Variants in RBFOX1 observed in about 807,000 individuals in gnomAD.
The protein encoded by RBFOX1 is RNA binding fox-1 homolog 1.
Under a neutral mutation model 57.7 loss-of-function variants are expected in RBFOX1, and 8 were observed. The observed-to-expected ratio is 0.14, with a 90% CI of 0.08 to 0.25. The LOEUF (loss-of-function observed/expected upper bound fraction) is 0.25, where lower values mean the gene tolerates loss of function less well. RBFOX1 is among the 10% of genes least tolerant of loss of function. RBFOX1 has a pLI of 1.00. For synonymous variants in RBFOX1, 326 were observed against 222.4 expected, an observed-to-expected ratio of 1.47 and a Z score of -4.15; for missense variants, 611 against 548.5, an observed-to-expected ratio of 1.11 and a Z score of -1.14.
At chr16:5,504,230 AC>A (rs1396862731) in intron 2 of RBFOX1, among the ~76,000 whole-genome samples, 1 of 152,014 alleles carries the variant, frequency 6.6e-6, no homozygotes, top group Non-Finnish European at 1.5e-5. Flanking sequence ...GATTATTCCT[AC>A]CCCTTCCCTG....
intron 14 of RBFOX1, among the ~76,000 whole-genome samples, chr16:7,698,028 G>A (rs1161376823): frequency 6.6e-6 from 1 of 152,150 alleles, no homozygotes. Context: ...TTGCGTATTA[G>A]GGAAGAGAGG....
chr16:6,742,929 T>C (rs1260257017), intron 3 of RBFOX1, among the ~76,000 whole-genome samples: 1 of 152,112 alleles, frequency 6.6e-6, no homozygotes, highest in Non-Finnish European at 1.5e-5. Flanking sequence ...AATCTATACG[T>C]GTAATAAAAG....
In RBFOX1 at chr16:6,153,092, C is replaced by T. The variant is rs1597835615; in HGVS notation, c.-127+133100C>T. On this transcript the variant is annotated intron_variant, in intron 1 of 15. Coordinates refer to ENST00000550418, the MANE Select transcript of RBFOX1 (RefSeq NM_018723.4). ...TTTATTTCCATAGGTTTTGGGGGAACAAGTGGTGTTTGGTTACATGAGTGA... is the reference window on the plus strand; with the variant it reads ...TTTATTTCCATAGGTTTTGGGGGAATAAGTGGTGTTTGGTTACATGAGTGA... Among the ~76,000 whole-genome samples, 4 of 139,380 alleles carry T rather than the reference C, an allele frequency of 2.9e-5. No homozygotes were observed. The South Asian group carries it at 8.9e-4, about 31-fold the overall frequency. The allele number at this position is 139,380 out of a possible 152,430, so 91.4% of individuals were successfully genotyped here.
chr16:6,397,835 A>G (rs1165755578), intron 2 of RBFOX1, among the ~76,000 whole-genome samples: 1 of 152,228 alleles, frequency 6.6e-6, no homozygotes, highest in Admixed American at 6.5e-5. Flanking sequence ...AAGATTACAT[A>G]GTTAATTCTG....
chr16:5,920,467 A>G (rs1276459448), intron 4 of RBFOX1, among the ~76,000 whole-genome samples: 4 of 152,110 alleles, frequency 2.6e-5, no homozygotes, highest in Non-Finnish European at 4.4e-5. Context: ...GTGTATACCT[A>G]GGAGTGGAAT....
chr16:7,385,582 C>T (rs192566426), intron 4 of RBFOX1, among the ~76,000 whole-genome samples: 2 of 152,160 alleles, frequency 1.3e-5, no homozygotes, highest in East Asian at 1.9e-4. Flanking sequence ...TGGTTATTTG[C>T]CAAGATGGAA....
chr16:7,480,121 T>C (rs1398542329), intron 4 of RBFOX1, among the ~76,000 whole-genome samples: 1 of 152,212 alleles, frequency 6.6e-6, no homozygotes, highest in Non-Finnish European at 1.5e-5. Context: ...GAATATCTTG[T>C]GCCTTTCTTG....
chr16:5,383,984 A>C (rs1293388117), intron 1 of RBFOX1, among the ~76,000 whole-genome samples: 1 of 152,158 alleles, frequency 6.6e-6, no homozygotes, highest in Non-Finnish European at 1.5e-5. Flanking sequence ...TGCTGGCTTC[A>C]CTATCAGGAA....
At chr16:6,789,605 G>C (rs1373715881) in intron 3 of RBFOX1, among the ~76,000 whole-genome samples, 1 of 152,142 alleles carries the variant, frequency 6.6e-6, no homozygotes, top group East Asian at 1.9e-4. Flanking sequence ...ACTCAGTGCT[G>C]TGCCCATCTT....
chr16:6,943,591 C>G (rs1224817777), intron 3 of RBFOX1, among the ~76,000 whole-genome samples: 1 of 151,886 alleles, frequency 6.6e-6, no homozygotes, highest in Non-Finnish European at 1.5e-5. Flanking sequence ...GCCTGTAGTC[C>G]CAGCTACTTG....
chr16:5,469,000 G>A (rs557783380), intron 2 of RBFOX1, among the ~76,000 whole-genome samples: 33 of 152,322 alleles, frequency 2.2e-4, no homozygotes, highest in Admixed American at 7.2e-4. Context: ...GTGTCTGCCC[G>A]TGCTGTGGTC....
intron 3 of RBFOX1, among the ~76,000 whole-genome samples, chr16:5,860,047 C>A (rs1597528003): frequency 6.6e-6 from 1 of 152,132 alleles, no homozygotes; most frequent in African/African-American, 2.4e-5. Flanking sequence ...CTGTGGGTGC[C>A]CAGAGAGCAG....
chr16:7,291,104 G>A lies in RBFOX1; in HGVS notation c.28-227043G>A, dbSNP rs572677205. Among the ~76,000 whole-genome samples the A allele has an allele frequency of 2.6e-5, 4 of 152,318 alleles. No homozygotes were observed. In the South Asian group the frequency reaches 6.2e-4, roughly 24 times the overall value. On this transcript the variant is annotated intron_variant, in intron 4 of 15. Transcript: ENST00000550418. ...ATGTTTTAACATGCACTGGGCATAA[G>A]TGATTATAGCCCTAGGTTCAAGGTG...
chr16:5,889,331 C>G (rs1184371449), intron 4 of RBFOX1, among the ~76,000 whole-genome samples: 1 of 152,132 alleles, frequency 6.6e-6, no homozygotes, highest in Non-Finnish European at 1.5e-5. Context: ...GTTTGCTTTT[C>G]TTTTCTTGTG....
chr16:5,572,466 T>C (rs8057236), intron 2 of RBFOX1, among the ~76,000 whole-genome samples: 67,738 of 151,902 alleles, frequency 0.45, 15,300 homozygotes, highest in East Asian at 0.54. Flanking sequence ...CTTCTGTACG[T>C]GGAAGGATGC....
intron 4 of RBFOX1, among the ~76,000 whole-genome samples, chr16:7,078,521 T>C (rs1006804273): frequency 2.6e-5 from 4 of 151,492 alleles, no homozygotes; most frequent in African/African-American, 9.7e-5. Context: ...CTAATTTTTG[T>C]ATTTTTAGGA....
intron 4 of RBFOX1, among the ~76,000 whole-genome samples, chr16:5,925,989 C>T (rs1458509404): frequency 6.6e-6 from 1 of 152,180 alleles, no homozygotes; most frequent in Non-Finnish European, 1.5e-5. Flanking sequence ...CCTCTGTTTA[C>T]TACAGGTGTG....
chr16:5,529,389 C>CTTTTTT (rs56820577), intron 2 of RBFOX1, among the ~76,000 whole-genome samples: 1 of 130,928 alleles, frequency 7.6e-6, no homozygotes, highest in Non-Finnish European at 1.7e-5. Flanking sequence ...TGGCCAGTGT[C>CTTTTTT]TTTTTTTTTT....
At chr16:6,194,587 G>A (rs552897351) in intron 1 of RBFOX1, among the ~76,000 whole-genome samples, 7 of 151,962 alleles carry the variant, frequency 4.6e-5, no homozygotes, top group Non-Finnish European at 1.0e-4. Flanking sequence ...TACTATCTTG[G>A]CCTGAAAATG....
Sources: allele counts gnomAD v4.1 joint callset (sites outside exome capture counted in the v4.1 genomes callset), GRCh38; gene constraint gnomAD v4.1.1; transcripts MANE v1.5; gene names NCBI Gene and HGNC (gene_info 2026-07-23, HGNC 2026-07-21).